Variants in C8orf34 observed in about 807,000 individuals in gnomAD.
The protein encoded by C8orf34 is chromosome 8 open reading frame 34.
Under a neutral mutation model 68.3 loss-of-function variants are expected in C8orf34, and 65 were observed. The observed-to-expected ratio is 0.95, with a 90% CI of 0.78 to 1.17. C8orf34 has a LOEUF of 1.17. Ranked by LOEUF, C8orf34 falls within the 50% of genes most tolerant of loss-of-function variation. The probability of loss-of-function intolerance (pLI) is 0.00; values close to 1 mark genes in which losing one functional copy is unlikely to be tolerated. For synonymous variants in C8orf34, 244 were observed against 241.2 expected (o/e 1.01, Z -0.11); for missense variants, 664 against 655.4 (o/e 1.01, Z -0.14).
At chr8:68,452,337 A>G (rs886263893) in intron 3 of C8orf34, among the ~76,000 whole-genome samples, 1 of 151,484 alleles carries the variant, frequency 6.6e-6, no homozygotes, top group African/African-American at 2.4e-5. Context: ...CTTTTTTTCA[A>G]AGAAGCTGCA....
chr8:68,611,405 A>G (rs1818019423), intron 7 of C8orf34, among the ~76,000 whole-genome samples: 1 of 152,154 alleles, frequency 6.6e-6, no homozygotes. Flanking sequence ...GGCTTGGGTA[A>G]AATACTTTGA....
At chr8:68,500,197 A>T (rs1813706142) in intron 5 of C8orf34, among the ~76,000 whole-genome samples, 1 of 152,224 alleles carries the variant, frequency 6.6e-6, no homozygotes, top group South Asian at 2.1e-4. Flanking sequence ...ATAGTAACAA[A>T]AATGGCCTAA....
intron 8 of C8orf34, among the ~76,000 whole-genome samples, chr8:68,708,772 C>T (rs1362761941): frequency 6.6e-6 from 1 of 152,148 alleles, no homozygotes; most frequent in East Asian, 1.9e-4. Flanking sequence ...CTAGATAAAT[C>T]CTGGTATGTA....
At chr8:68,546,353 T>C (rs1283105116) in intron 7 of C8orf34, among the ~76,000 whole-genome samples, 1 of 151,944 alleles carries the variant, frequency 6.6e-6, no homozygotes, top group Non-Finnish European at 1.5e-5. Flanking sequence ...AGGTTCAAAG[T>C]ATAAAGTTAG....
intron 7 of C8orf34, among the ~76,000 whole-genome samples, chr8:68,550,633 T>A (rs531664496): frequency 6.6e-6 from 1 of 151,880 alleles, no homozygotes; most frequent in Non-Finnish European, 1.5e-5. Flanking sequence ...GAACTTCTTT[T>A]AACATTTGCT....
intron 1 of C8orf34, among the ~76,000 whole-genome samples, chr8:68,394,319 G>A (rs959393344): frequency 7.0e-6 from 1 of 142,780 alleles, no homozygotes; most frequent in Admixed American, 7.7e-5. Context: ...ATTCCCACCT[G>A]TGAGTGAGAA....
intron 8 of C8orf34, among the ~76,000 whole-genome samples, chr8:68,689,713 A>G (rs1820631191): frequency 6.6e-6 from 1 of 152,144 alleles, no homozygotes; most frequent in East Asian, 1.9e-4. Flanking sequence ...GAAAATAAGA[A>G]CAAAGCTGGA....
chr8:68,747,454 T>C lies in C8orf34; in HGVS notation c.1404+26017T>C, dbSNP rs1321085517. On this transcript the variant is annotated intron_variant, in intron 10 of 13. Coordinates refer to ENST00000518698, the MANE Select transcript of C8orf34 (RefSeq NM_052958.4). ...AAGAGGAAGTCAAATTGTCCCTGTT[T>C]GTAGACGACATGATTGTATATCTAG... 1.1e-4 allele frequency among the ~76,000 whole-genome samples: 16 copies of C among 145,784 alleles called. 1 individual carries two copies. Among genetic ancestry groups the C allele is most frequent in the Admixed American group, 9.5e-4 (14 of 14,708 alleles).
chr8:68,630,087 A>G (rs1229835044), intron 7 of C8orf34, among the ~76,000 whole-genome samples: 3 of 152,072 alleles, frequency 2.0e-5, no homozygotes, highest in African/African-American at 7.2e-5. Flanking sequence ...AGGAGAGTTT[A>G]TTTTAAAATA....
chr8:68,577,679 T>G (rs1036642642), intron 7 of C8orf34, among the ~76,000 whole-genome samples: 7 of 151,868 alleles, frequency 4.6e-5, no homozygotes, highest in Non-Finnish European at 1.0e-4. Context: ...TACAATTAAG[T>G]TTTTGAAAAG....
intron 7 of C8orf34, among the ~76,000 whole-genome samples, chr8:68,613,624 A>C (rs1586451546): frequency 6.6e-6 from 1 of 151,628 alleles, no homozygotes; most frequent in African/African-American, 2.4e-5. Context: ...TGAACTCATC[A>C]TTTTTTATGG....
At chr8:68,692,566 A>C (rs1820715706) in intron 8 of C8orf34, among the ~76,000 whole-genome samples, 1 of 152,090 alleles carries the variant, frequency 6.6e-6, no homozygotes, top group Non-Finnish European at 1.5e-5. Context: ...TAACAAAAAA[A>C]GACTTCGAGT....
chr8:68,686,469 G>C (rs1225955224), intron 8 of C8orf34, among the ~76,000 whole-genome samples: 1 of 151,964 alleles, frequency 6.6e-6, no homozygotes, highest in East Asian at 1.9e-4. Flanking sequence ...TTCAGGAATG[G>C]CTTAACATAT....
intron 7 of C8orf34, among the ~76,000 whole-genome samples, chr8:68,591,306 G>A (rs972771976): frequency 5.9e-5 from 9 of 152,170 alleles, no homozygotes; most frequent in African/African-American, 2.2e-4. Flanking sequence ...AGAATATTCA[G>A]AAGCTACATT....
At position 68,377,898 on chromosome 8, in the gene C8orf34, G is replaced by T. The variant is rs115409531; in HGVS notation, c.327+46559G>T. On this transcript the variant is annotated intron_variant, in intron 1 of 13. Coordinates refer to ENST00000518698, the MANE Select transcript of C8orf34 (RefSeq NM_052958.4). Reference sequence around the variant, plus strand: ...GATAAGCAGGCACCTTCTTCACAGGGTGGCAGGACAGAATAAGTGCAAGCA... The same window carrying T: ...GATAAGCAGGCACCTTCTTCACAGGTTGGCAGGACAGAATAAGTGCAAGCA... Among the ~76,000 whole-genome samples, 1,147 of 152,228 alleles carry T rather than the reference G, an allele frequency of 7.5e-3. 34 individuals carry two copies. The East Asian group carries it at 0.095, about 13-fold the overall frequency.
At chr8:68,385,289 T>C (rs1048153104) in intron 1 of C8orf34, among the ~76,000 whole-genome samples, 1 of 152,100 alleles carries the variant, frequency 6.6e-6, no homozygotes, top group African/African-American at 2.4e-5. Flanking sequence ...ACCAAACAAA[T>C]GGAGGAACAA....
At chr8:68,504,719 G>A (rs1023656891) in intron 5 of C8orf34, among the ~76,000 whole-genome samples, 12 of 144,702 alleles carry the variant, frequency 8.3e-5, no homozygotes, top group Non-Finnish European at 1.5e-4. Context: ...TTGCTCTGTC[G>A]CCGAGGCTGG....
chr8:68,624,439 C>T (rs188134234), intron 7 of C8orf34, among the ~76,000 whole-genome samples: 68 of 152,192 alleles, frequency 4.5e-4, no homozygotes, highest in African/African-American at 1.2e-3. Flanking sequence ...AACACTTCAG[C>T]GGTATGTACA....
intron 7 of C8orf34, among the ~76,000 whole-genome samples, chr8:68,563,853 A>G (rs1006132124): frequency 6.6e-6 from 1 of 151,710 alleles, no homozygotes; most frequent in African/African-American, 2.4e-5. Context: ...ATTTCTAGGG[A>G]GAATAAAGAA....
Sources: allele counts gnomAD v4.1 joint callset (sites outside exome capture counted in the v4.1 genomes callset), GRCh38; gene constraint gnomAD v4.1.1; transcripts MANE v1.5; gene names NCBI Gene and HGNC (gene_info 2026-07-23, HGNC 2026-07-21).